The following PTPRK variants were observed in gnomAD, a reference collection of about 807,000 sequenced individuals.
PTPRK encodes the protein protein tyrosine phosphatase receptor type K.
Under a neutral mutation model 178.0 loss-of-function variants are expected in PTPRK, and 75 were observed. That is an observed-to-expected ratio of 0.42 (90% CI 0.35 to 0.51). The LOEUF is 0.51. Ranked by LOEUF, PTPRK falls within the 20% of genes least tolerant of loss-of-function variation. The pLI, the probability that PTPRK is intolerant of heterozygous loss-of-function variation, is 0.02. For missense variants in PTPRK, 1,441 were observed against 1,797.8 expected, an observed-to-expected ratio of 0.80 and a Z score of 3.59; for synonymous variants, 637 against 620.6, an observed-to-expected ratio of 1.03 and a Z score of -0.39.
At chr6:128,471,417 G>C (rs1432761948) in intron 1 of PTPRK, among the ~76,000 whole-genome samples, 1 of 151,650 alleles carries the variant, frequency 6.6e-6, no homozygotes, top group Admixed American at 6.6e-5. Flanking sequence ...AAGATGAGAA[G>C]AAAAGGCTCA....
intron 3 of PTPRK, among the ~76,000 whole-genome samples, chr6:128,303,224 G>T (rs1825898405): frequency 6.6e-6 from 1 of 152,134 alleles, no homozygotes; most frequent in Non-Finnish European, 1.5e-5. Context: ...CGCTAAATCT[G>T]CAGGCTAACT....
At chr6:128,115,113 G>A (rs988876621) in intron 7 of PTPRK, among the ~76,000 whole-genome samples, 1 of 151,996 alleles carries the variant, frequency 6.6e-6, no homozygotes, top group South Asian at 2.1e-4. Context: ...TCAAGCACTT[G>A]GCATTCTGGC....
chr6:128,369,993 T>C (rs777126484), intron 2 of PTPRK, among the ~76,000 whole-genome samples: 3 of 152,122 alleles, frequency 2.0e-5, no homozygotes, highest in Non-Finnish European at 2.9e-5. Context: ...CATTTGTTAA[T>C]TTTTTACCAT....
rs201021416 is a variant in PTPRK at position 127,992,666 on chromosome 6, G to A, written c.2881+7C>T. On this transcript the variant is annotated splice_region_variant and intron_variant, in intron 19 of 29. Transcript: ENST00000368226. ...TTTCTATAACATTTAACAAGGCAAA[G>A]TTTTACCTTGGGTTGCAATGTAATG... 4.6e-5 allele frequency: 73 copies of A among 1,588,728 alleles called. No homozygotes were observed. The highest frequency in any genetic ancestry group is 1.2e-4 in the Admixed American group (7 of 56,024).
chr6:128,459,500 A>C (rs1019373042), intron 1 of PTPRK, among the ~76,000 whole-genome samples: 2 of 152,162 alleles, frequency 1.3e-5, no homozygotes, highest in Non-Finnish European at 2.9e-5. Context: ...CTGCTACTAA[A>C]ACACAGACAT....
At chr6:128,214,176 A>C (rs1371458829) in intron 6 of PTPRK, among the ~76,000 whole-genome samples, 4 of 152,186 alleles carry the variant, frequency 2.6e-5, no homozygotes, top group African/African-American at 9.6e-5. Flanking sequence ...TAAAAGCAGA[A>C]TCTGAAAAGT....
intron 1 of PTPRK, among the ~76,000 whole-genome samples, chr6:128,477,792 A>G (rs1225045901): frequency 6.6e-6 from 1 of 152,174 alleles, no homozygotes; most frequent in African/African-American, 2.4e-5. Flanking sequence ...TTTTTTTATT[A>G]GTAAAAACCC....
At chr6:128,270,163 T>C (rs1410621092) in intron 3 of PTPRK, among the ~76,000 whole-genome samples, 1 of 152,050 alleles carries the variant, frequency 6.6e-6, no homozygotes, top group Non-Finnish European at 1.5e-5. Context: ...TTTGGTAGAG[T>C]TTTTGACATC....
chr6:128,107,915 A>G (rs1052764199), intron 7 of PTPRK, among the ~76,000 whole-genome samples: 2 of 152,012 alleles, frequency 1.3e-5, no homozygotes, highest in African/African-American at 4.8e-5. Flanking sequence ...AGAGGCCTCT[A>G]TTTTCTCCTT....
Position 128,423,766 on chromosome 6 carries a change from T to C in PTPRK, c.101-26078A>G, listed in dbSNP as rs905889566. 2.6e-5 allele frequency among the ~76,000 whole-genome samples: 4 copies of C among 151,974 alleles called. No homozygotes were observed. In the East Asian group the frequency reaches 5.8e-4, roughly 22 times the overall value. ...TCACTTGAACATAGGAGGCAGAGGC[T>C]GCAGTGAGCCAAGATCACGCCACTG... On this transcript the variant is annotated intron_variant, in intron 1 of 29. Transcript: ENST00000368226.
chr6:128,375,695 T>C (rs1170111793), intron 2 of PTPRK, among the ~76,000 whole-genome samples: 3 of 152,118 alleles, frequency 2.0e-5, no homozygotes, highest in Admixed American at 6.5e-5. Context: ...CAGTCCAAAG[T>C]CTCATCTGAG....
chr6:128,206,562 A>C (rs555157893), intron 6 of PTPRK, among the ~76,000 whole-genome samples: 2 of 152,262 alleles, frequency 1.3e-5, no homozygotes, highest in South Asian at 4.2e-4. Context: ...ATACTTAAAA[A>C]TATATAGGCA....
intron 7 of PTPRK, among the ~76,000 whole-genome samples, chr6:128,124,687 A>G (rs1257314894): frequency 1.3e-5 from 2 of 152,142 alleles, no homozygotes; most frequent in East Asian, 3.9e-4. Context: ...TTGTTTGTGG[A>G]TGATATTAAC....
intron 2 of PTPRK, among the ~76,000 whole-genome samples, chr6:128,326,915 C>T (rs1829658882): frequency 6.6e-6 from 1 of 151,882 alleles, no homozygotes; most frequent in South Asian, 2.1e-4. Context: ...TAAATAAACA[C>T]AAGCGTGTTT....
chr6:127,997,166 A>G (rs765012052), intron 16 of PTPRK, among the ~76,000 whole-genome samples, 178 bp from the exon 17 acceptor site: 12 of 152,124 alleles, frequency 7.9e-5, no homozygotes, highest in Non-Finnish European at 1.8e-4. Context: ...ATACTTGTTC[A>G]TCTTAAATTG....
chr6:128,502,628 G>A (rs1040430618), intron 1 of PTPRK, among the ~76,000 whole-genome samples: 2 of 152,082 alleles, frequency 1.3e-5, no homozygotes, highest in Admixed American at 1.3e-4. Context: ...TTGCTAAAAT[G>A]TTCAGGAATT....
At chr6:128,478,960 A>G (rs1851708515) in intron 1 of PTPRK, among the ~76,000 whole-genome samples, 1 of 151,978 alleles carries the variant, frequency 6.6e-6, no homozygotes, top group Non-Finnish European at 1.5e-5. Context: ...ACTCTTCCTC[A>G]GCCAGTGCTC....
intron 5 of PTPRK, among the ~76,000 whole-genome samples, chr6:128,237,826 T>C (rs1253303553): frequency 7.2e-6 from 1 of 139,536 alleles, no homozygotes; most frequent in Non-Finnish European, 1.5e-5. Flanking sequence ...TCCTGCTTTA[T>C]TATGTTTTTT....
At chr6:128,198,631 T>G (rs1805353739) in intron 6 of PTPRK, among the ~76,000 whole-genome samples, 1 of 152,140 alleles carries the variant, frequency 6.6e-6, no homozygotes. Context: ...ATAATAAAAA[T>G]CATTCCACCT....
Sources: allele counts gnomAD v4.1 joint callset (sites outside exome capture counted in the v4.1 genomes callset), GRCh38; gene constraint gnomAD v4.1.1; transcripts MANE v1.5; gene names NCBI Gene and HGNC (gene_info 2026-07-23, HGNC 2026-07-21).